Variants in BFSP1 observed in about 807,000 individuals in gnomAD.
BFSP1 encodes the protein beaded filament structural protein 1.
BFSP1 carries 38 observed loss-of-function variants against 43.9 expected under a neutral mutation model. The observed-to-expected ratio is 0.87, with a 90% CI of 0.67 to 1.14. BFSP1 has a LOEUF of 1.14. Ranked by LOEUF, BFSP1 falls within the 50% of genes most tolerant of loss-of-function variation. BFSP1 has a pLI of 0.00. For missense variants in BFSP1, 850 were observed against 875.1 expected (o/e 0.97, Z 0.36); for synonymous variants, 352 against 354.8 (o/e 0.99, Z 0.09).
At chr20:17,526,417 T>C (rs1046626596) in intron 1 of BFSP1, among the ~76,000 whole-genome samples, 1 of 152,212 alleles carries the variant, frequency 6.6e-6, no homozygotes, top group African/African-American at 2.4e-5. Flanking sequence ...AGTGGAATCA[T>C]ACAATATTTT....
At chr20:17,508,811 G>A in intron 5 of BFSP1, 78 bp downstream of exon 5, 3 of 1,292,902 alleles carry the variant, frequency 2.3e-6, no homozygotes, top group Non-Finnish European at 3.1e-6. Context: ...TCCTCAAGCT[G>A]CATGCGTGTG....
chr20:17,559,047 A>G (rs558888291), upstream of BFSP1: 101 of 222,114 alleles, frequency 4.5e-4, no homozygotes, highest in Non-Finnish European at 6.9e-4. Context: ...GAGTAAAGAA[A>G]AAAAAAAAAG....
intron 1 of BFSP1, among the ~76,000 whole-genome samples, chr20:17,554,402 C>T (rs563313843): frequency 6.6e-6 from 1 of 152,138 alleles, no homozygotes; most frequent in Admixed American, 6.5e-5. Context: ...ACTAATAAAC[C>T]ATATCTAGCA....
At chr20:17,566,056 T>C (rs1021683029) in intron 1 of BFSP1, among the ~76,000 whole-genome samples, 3 of 142,022 alleles carry the variant, frequency 2.1e-5, no homozygotes, top group African/African-American at 8.0e-5. Context: ...AGGCGGAGGT[T>C]GCAGTGAGCT....
At chr20:17,544,260 C>T (rs1340291302) in intron 1 of BFSP1, among the ~76,000 whole-genome samples, 4 of 152,154 alleles carry the variant, frequency 2.6e-5, no homozygotes, top group Admixed American at 6.6e-5. Flanking sequence ...GCAAGGGACG[C>T]GAAGCTGGGT....
upstream of BFSP1, among the ~76,000 whole-genome samples, chr20:17,534,461 G>A (rs1216620664): frequency 2.6e-5 from 4 of 152,162 alleles, no homozygotes; most frequent in Non-Finnish European, 5.9e-5. Context: ...CTATCTCAGC[G>A]TAAATATAGC....
intron 6 of BFSP1, 60 bp from the exon 7 acceptor site, chr20:17,497,083 G>C: frequency 7.7e-7 from 1 of 1,304,338 alleles, no homozygotes; most frequent in Non-Finnish European, 1.0e-6. Flanking sequence ...AGCGACTCTC[G>C]TTAATGTTGA....
intron 5 of BFSP1, among the ~76,000 whole-genome samples, chr20:17,503,003 G>A (rs1310771606): frequency 2.0e-5 from 3 of 152,234 alleles, no homozygotes; most frequent in Non-Finnish European, 4.4e-5. Context: ...GGGCGGGAGG[G>A]CTCATGAGAC....
At chr20:17,505,382 A>C (rs1035324703) in intron 5 of BFSP1, among the ~76,000 whole-genome samples, 6 of 152,224 alleles carry the variant, frequency 3.9e-5, no homozygotes, top group East Asian at 3.8e-4. Context: ...ACAAGTTCCC[A>C]GGTGGTGCCC....
intron 1 of BFSP1, among the ~76,000 whole-genome samples, chr20:17,567,257 G>T (rs1010301811): frequency 1.5e-4 from 23 of 152,154 alleles, no homozygotes; most frequent in Admixed American, 1.1e-3. Context: ...TTGATAAATT[G>T]TAAAACATCT....
At chr20:17,541,150 T>A in intron 1 of BFSP1, 3 of 559,102 alleles carry the variant, frequency 5.4e-6, no homozygotes, top group Non-Finnish European at 6.8e-6. Context: ...TGATCATTCC[T>A]GTGAATAGCC....
chr20:17,561,740 G>A (rs1294644704), upstream of BFSP1, among the ~76,000 whole-genome samples: 1 of 152,076 alleles, frequency 6.6e-6, no homozygotes, highest in Admixed American at 6.5e-5. Flanking sequence ...AAGGAACCGT[G>A]GGACTGTTCA....
At chr20:17,527,824 G>A (rs2034455009) in intron 1 of BFSP1, among the ~76,000 whole-genome samples, 2 of 152,164 alleles carry the variant, frequency 1.3e-5, no homozygotes, top group South Asian at 4.1e-4. Context: ...TTCATAAAGT[G>A]AAAAAACTGG....
intron 3 of BFSP1, 51 bp downstream of exon 3, chr20:17,514,670 C>A (rs2123493912): frequency 6.4e-7 from 1 of 1,570,754 alleles, no homozygotes; most frequent in South Asian, 1.1e-5. Flanking sequence ...CTTACCTGAT[C>A]AAACCCAAAC....
intron 1 of BFSP1, among the ~76,000 whole-genome samples, chr20:17,547,240 T>A (rs74952740): frequency 6.6e-6 from 1 of 151,538 alleles, no homozygotes; most frequent in Admixed American, 6.6e-5. Flanking sequence ...AGGGAGGAAG[T>A]CTGTCCCATT....
At chr20:17,567,198 T>TA (rs920871347) in intron 1 of BFSP1, among the ~76,000 whole-genome samples, 2 of 151,784 alleles carry the variant, frequency 1.3e-5, no homozygotes, top group Non-Finnish European at 2.9e-5. Context: ...CAGTGGGACC[T>TA]AAAAAAAATG....
chr20:17,507,275 G>A lies in BFSP1; in HGVS notation c.735+1614C>T, dbSNP rs2033960863. ...AGCCATACACATCAGATAGGTAGGT[G>A]TGTGTGTGTGTGTGTGTGTGTGTGT... On this transcript the variant is annotated intron_variant, in intron 5 of 7. Coordinates refer to ENST00000377873, the MANE Select transcript of BFSP1 (RefSeq NM_001195.5). This position sits in a 1 kb window ranked among gnomAD's most constrained non-coding sequence, Gnocchi z 4.4. 8.9e-6 allele frequency among the ~76,000 whole-genome samples: 1 copy of A among 111,944 alleles called. No individual in the cohort carries two copies. Among genetic ancestry groups the A allele is most frequent in the South Asian group, 2.6e-4 (1 of 3,852 alleles). 73.4% of individuals were successfully genotyped at this position (111,944 alleles called of 152,430 possible).
At chr20:17,545,141 A>G (rs1383396564) in intron 1 of BFSP1, among the ~76,000 whole-genome samples, 1 of 152,214 alleles carries the variant, frequency 6.6e-6, no homozygotes, top group Non-Finnish European at 1.5e-5. Flanking sequence ...GCCCAGGCAA[A>G]AGGGAGGTAG....
At chr20:17,523,088 A>G (rs1187048276) in intron 2 of BFSP1, among the ~76,000 whole-genome samples, 2 of 152,200 alleles carry the variant, frequency 1.3e-5, no homozygotes, top group East Asian at 1.9e-4. Context: ...TCCACACTCT[A>G]TGTCACAATA....
Sources: allele counts gnomAD v4.1 joint callset (sites outside exome capture counted in the v4.1 genomes callset), GRCh38; gene constraint gnomAD v4.1.1; non-coding constraint Gnocchi (gnomAD v3.1); transcripts MANE v1.5; gene names NCBI Gene and HGNC (gene_info 2026-07-23, HGNC 2026-07-21).